Variants in ENDOU observed in about 807,000 individuals in gnomAD.
ENDOU encodes the protein endonuclease, poly(U) specific, also known as uridylate-specific endoribonuclease.
In ENDOU, 49 loss-of-function variants were observed where a neutral mutation model predicts 54.2. That is an observed-to-expected ratio of 0.90 (90% CI 0.72 to 1.15). ENDOU has a LOEUF of 1.15. Ranked by LOEUF, ENDOU falls within the 50% of genes most tolerant of loss-of-function variation. ENDOU has a pLI of 0.00. For missense variants in ENDOU, 458 were observed against 511.4 expected, an observed-to-expected ratio of 0.90 and a Z score of 1.01; for synonymous variants, 172 against 190.5, an observed-to-expected ratio of 0.90 and a Z score of 0.80.
intron 9 of ENDOU, among the ~76,000 whole-genome samples, chr12:47,711,388 T>TC (rs1939993959): frequency 6.6e-6 from 1 of 152,168 alleles, no homozygotes; most frequent in Non-Finnish European, 1.5e-5. Flanking sequence ...TATATTAAGG[T>TC]CCTGCGTAAG....
At position 47,712,424 on chromosome 12, in the gene ENDOU, A is replaced by C; in HGVS notation, c.972+92T>G. The C allele has an allele frequency of 1.5e-5, 14 of 947,636 alleles. No individual in the cohort carries two copies. In the South Asian group the frequency reaches 2.1e-4, roughly 14 times the overall value. 58.7% of individuals were successfully genotyped at this position (947,636 alleles called of 1,614,324 possible). A position where few individuals can be genotyped will look rare whatever the true frequency, so the allele number is the denominator to read the frequency against. ...CAATCACCTGGGGCTGCCCCCTGAGAGTCAGGCTGAGAGGCAAGTCGACAG... is the reference window on the plus strand; with the variant it reads ...CAATCACCTGGGGCTGCCCCCTGAGCGTCAGGCTGAGAGGCAAGTCGACAG... On this transcript the variant is annotated intron_variant, in intron 8 of 9. Coordinates refer to ENST00000422538, the MANE Select transcript of ENDOU (RefSeq NM_001172439.2).
At position 47,711,696 on chromosome 12, in the gene ENDOU, C is replaced by T; in HGVS notation, c.1052G>A (p.Gly351Asp). The part of the protein sequence containing the change: ...YYKEVGSAFI[G>D]SSPEFEFALY... The stretch of plus-strand genomic sequence containing the variant: ...TGCAAACTCAAACTCAGGGCTGCTG[C>T]CGATGAAAGCAGAGCCCACTTCCTT... Residue 351 changes from glycine to aspartate, a missense_variant, in exon 9 of 10, where the codon GGC becomes GAC. Transcript: ENST00000422538. 1 of 1,614,116 alleles carries T rather than the reference C, an allele frequency of 6.2e-7. No homozygotes were observed.
In ENDOU at chr12:47,711,636, T is replaced by G. The variant is rs1183722473; in HGVS notation, c.1112A>C (p.Lys371Thr). 2 of 1,613,228 alleles carry G rather than the reference T, an allele frequency of 1.2e-6. No homozygotes were observed. The highest frequency in any genetic ancestry group is 1.7e-6 in the Non-Finnish European group (2 of 1,179,758). ...GCCTGGCTGGCCCCATTCTTACACT[T>G]TGCCTGGCCTGGCGATGAAGCACAG... ...YSLCFIARPG[K>T]VCQLSLGGYP... The change falls in exon 9 of 10, where the codon AAA becomes ACA. Residue 371 changes from lysine (K) to threonine (T), a missense_variant. By Grantham distance (78) the Lys-to-Thr change is moderately conservative. Transcript: ENST00000422538.
rs1489544335 is a variant in ENDOU at position 47,717,078 on chromosome 12, G to A, written c.383-20C>T. The stretch of plus-strand genomic sequence containing the variant: ...AGACCTCTGGGAGGAATTGGAAGAG[G>A]GGTGGCCTCAGAGCCAGAGGGAAAG... On this transcript the variant is annotated intron_variant, in intron 4 of 9. Transcript: ENST00000422538. The A allele has an allele frequency of 3.7e-6, 6 of 1,612,726 alleles. No individual in the cohort carries two copies. Among genetic ancestry groups the A allele is most frequent in the Admixed American group, 3.3e-5 (2 of 59,992 alleles).
intron 2 of ENDOU, chr12:47,719,740 T>C (rs1427330509): frequency 6.6e-6 from 1 of 152,150 alleles, no homozygotes; most frequent in Non-Finnish European, 1.5e-5. Flanking sequence ...AATTACCCAG[T>C]CTCGGGTATT....
intron 4 of ENDOU, 132 bp downstream of exon 4, chr12:47,717,386 G>T: frequency 9.8e-7 from 1 of 1,025,108 alleles, no homozygotes; most frequent in Non-Finnish European, 1.4e-6. Flanking sequence ...GGCCCGGAGT[G>T]AAGCCCCAGA....
intron 2 of ENDOU, 182 bp downstream of exon 2, chr12:47,720,571 C>A: frequency 2.1e-6 from 1 of 474,494 alleles, no homozygotes; most frequent in Non-Finnish European, 3.6e-6. Flanking sequence ...AAGTTGGGGG[C>A]ATCCTAGAAA....
At chr12:47,712,918 G>C (rs563723678) in intron 7 of ENDOU, among the ~76,000 whole-genome samples, 203 of 152,258 alleles carry the variant, frequency 1.3e-3, no homozygotes, top group African/African-American at 4.4e-3. Context: ...GGTAGAATAG[G>C]GGGGAACAGA....
In ENDOU at chr12:47,716,935, A is replaced by G. The variant is rs754673925; in HGVS notation, c.506T>C (p.Ile169Thr). Residue 169 changes from isoleucine to threonine, a missense_variant, in exon 5 of 10, where the codon ATC (isoleucine) becomes ACC (threonine). Physicochemically the swap from Ile to Thr is moderately conservative, Grantham distance 89. Transcript: ENST00000422538. The part of the protein sequence containing the change: ...EDIVLNSQNC[I>T]SPSETRNQVD... ...TTGGTTTCTGGTCTCTGACGGGGAGATGCAGTTTTGGCTATTGAGAACGAT... is the reference window on the plus strand; with the variant it reads ...TTGGTTTCTGGTCTCTGACGGGGAGGTGCAGTTTTGGCTATTGAGAACGAT... 2 of 1,613,986 alleles carry G rather than the reference A, an allele frequency of 1.2e-6. No homozygotes were observed. Among genetic ancestry groups the G allele is most frequent in the Non-Finnish European group, 1.7e-6 (2 of 1,180,020 alleles).
In ENDOU at chr12:47,711,679, C is replaced by G; in HGVS notation, c.1069G>C (p.Glu357Gln). The G allele has an allele frequency of 6.2e-7, 1 of 1,614,124 alleles. No individual in the cohort carries two copies. The highest frequency in any genetic ancestry group is 2.2e-5 in the East Asian group (1 of 44,884). ...AAGCACAGGGAGTAGAGTGCAAACT[C>G]AAACTCAGGGCTGCTGCCGATGAAA... is the stretch of plus-strand genomic sequence containing the variant. ...SAFIGSSPEF[E>Q]FALYSLCFIA... The change falls in exon 9 of 10, where the codon GAG becomes CAG. Residue 357 changes from glutamate (E) to glutamine (Q), a missense_variant. Coordinates refer to ENST00000422538, the MANE Select transcript of ENDOU (RefSeq NM_001172439.2).
At chr12:47,716,725 A>G (rs1940251330) in intron 5 of ENDOU, among the ~76,000 whole-genome samples, 165 bp downstream of exon 5, 1 of 152,060 alleles carries the variant, frequency 6.6e-6, no homozygotes, top group South Asian at 2.1e-4. Context: ...AACCCTCCCA[A>G]CTGGATATCC....
Position 47,710,734 on chromosome 12 carries a change from C to A in ENDOU, c.*68G>T. 2 of 1,060,984 alleles carry A rather than the reference C, an allele frequency of 1.9e-6. No individual in the cohort carries two copies. Among genetic ancestry groups the A allele is most frequent in the Non-Finnish European group, 1.5e-6 (1 of 676,088 alleles). The allele number at this position is 1,060,984 out of a possible 1,614,324, so 65.7% of individuals were successfully genotyped here. On this transcript the variant is annotated 3_prime_UTR_variant, in exon 10 of 10. Transcript: ENST00000422538. ...CCTTCCAGTCCTCTCCCTCTTCTCT[C>A]TAGTCCAGAGAAGATAGCACTTCAG...
chr12:47,718,320 G>C, intron 2 of ENDOU, 126 bp from the exon 3 acceptor site: 1 of 736,516 alleles, frequency 1.4e-6, no homozygotes, highest in South Asian at 1.6e-5. Flanking sequence ...TCTGAACAGG[G>C]GCTGGGGTCC....
At chr12:47,721,811 A>AT (rs113482410) in intron 1 of ENDOU, among the ~76,000 whole-genome samples, 8 of 152,276 alleles carry the variant, frequency 5.3e-5, no homozygotes, top group South Asian at 4.1e-4. Flanking sequence ...TCTTTGTTCG[A>AT]TTTGAGGTTC....
At chr12:47,723,200 T>C (rs1940489226) in intron 1 of ENDOU, among the ~76,000 whole-genome samples, 1 of 152,236 alleles carries the variant, frequency 6.6e-6, no homozygotes, top group African/African-American at 2.4e-5. Flanking sequence ...TTTTCATCTC[T>C]GCTCAAGAAC....
Position 47,713,340 on chromosome 12 carries a change from C to G in ENDOU, c.800G>C (p.Trp267Ser). The G allele has an allele frequency of 6.2e-7, 1 of 1,614,106 alleles. No homozygotes were observed. The highest frequency in any genetic ancestry group is 8.5e-7 in the Non-Finnish European group (1 of 1,179,988). ...ATTGCCTCTTGAATAGAGCCCAAAC[C>G]ACATGTTCTTCAAGTCATCGACAAA... ...QEFVDDLKNM[W>S]FGLYSRGNEE... is the part of the protein sequence containing the mutation. Residue 267 changes from tryptophan to serine, a missense_variant, in exon 7 of 10, where the codon TGG becomes TCG. Trp to Ser is a radical substitution (Grantham distance 177). Coordinates refer to ENST00000422538, the MANE Select transcript of ENDOU (RefSeq NM_001172439.2).
chr12:47,725,174 T>G (rs1458006934), intron 1 of ENDOU, among the ~76,000 whole-genome samples, 185 bp downstream of exon 1: 3 of 152,136 alleles, frequency 2.0e-5, no homozygotes, highest in Non-Finnish European at 2.9e-5. Flanking sequence ...CATAGTCCAG[T>G]CCATTCCGGG....
Position 47,710,669 on chromosome 12 carries a change from G to T in ENDOU, c.*133C>A. On this transcript the variant is annotated 3_prime_UTR_variant, in exon 10 of 10. Coordinates refer to ENST00000422538, the MANE Select transcript of ENDOU (RefSeq NM_001172439.2). ...TCTCTTTCCCATGTGGGCACTTTGGGATTTAGGAATGCTTCTCATTGCTTT... is the reference window on the plus strand; with the variant it reads ...TCTCTTTCCCATGTGGGCACTTTGGTATTTAGGAATGCTTCTCATTGCTTT... The T allele has an allele frequency of 1.5e-6, 1 of 686,016 alleles. No individual in the cohort carries two copies. Among genetic ancestry groups the T allele is most frequent in the Non-Finnish European group, 2.7e-6 (1 of 374,654 alleles). 42.5% of individuals were successfully genotyped at this position (686,016 alleles called of 1,614,324 possible). A position where few individuals can be genotyped will look rare whatever the true frequency, so the allele number is the denominator to read the frequency against.
At chr12:47,715,793 G>T (rs905515917) in intron 6 of ENDOU, among the ~76,000 whole-genome samples, 2 of 152,208 alleles carry the variant, frequency 1.3e-5, no homozygotes, top group Non-Finnish European at 2.9e-5. Context: ...CTTCCCGATA[G>T]GACTTCCCGC....
Sources: gnomAD v4.1 joint callset for allele counts (sites outside exome capture counted in the v4.1 genomes callset) on GRCh38, gnomAD v4.1.1 for gene constraint, MANE v1.5 for transcripts, NCBI Gene and HGNC (gene_info 2026-07-23, HGNC 2026-07-21) for gene names.